SESN3: variants seen among roughly 807,000 people sequenced by gnomAD.
The protein encoded by SESN3 is sestrin 3.
SESN3 carries 21 observed loss-of-function variants against 55.3 expected under a neutral mutation model. The observed-to-expected ratio is 0.38, with a 90% CI of 0.27 to 0.55. The LOEUF (loss-of-function observed/expected upper bound fraction) is 0.55, where lower values mean the gene tolerates loss of function less well. Among genes scored for constraint, SESN3 ranks in the 20% least tolerant of loss-of-function variants. The pLI, the probability that SESN3 is intolerant of heterozygous loss-of-function variation, is 0.76. For synonymous variants in SESN3, 181 were observed against 203.1 expected (o/e 0.89, Z 0.93); for missense variants, 408 against 604.3 (o/e 0.68, Z 3.41).
intron 1 of SESN3, among the ~76,000 whole-genome samples, chr11:95,222,023 C>G (rs548507671): frequency 6.6e-6 from 1 of 152,292 alleles, no homozygotes; most frequent in African/African-American, 2.4e-5. Context: ...GACTGAAAGG[C>G]TAAGCCAGAA....
At position 95,193,403 on chromosome 11, in the gene SESN3, CAGTTA is replaced by C. The variant is rs1199742510; in HGVS notation, c.144+49_144+53del. 1.4e-5 allele frequency: 14 copies of C among 1,033,610 alleles called. 1 individual carries two copies. Among genetic ancestry groups the C allele is most frequent in the South Asian group, 1.1e-4 (8 of 73,408 alleles). The allele number at this position is 1,033,610 out of a possible 1,614,324, so 64.0% of individuals were successfully genotyped here. ...TATTAACAGGAGATATTCTTTGATACAGTTAAGTTATTTTTAAATCTTACTTTTTA... is the reference window on the plus strand; with the variant it reads ...TATTAACAGGAGATATTCTTTGATACAGTTATTTTTAAATCTTACTTTTTA... On this transcript the variant is annotated intron_variant, in intron 2 of 9. Transcript: ENST00000536441.
intron 1 of SESN3, among the ~76,000 whole-genome samples, chr11:95,198,006 T>C (rs1860393848): frequency 6.6e-6 from 1 of 152,198 alleles, no homozygotes; most frequent in Non-Finnish European, 1.5e-5. Flanking sequence ...CTTTCCTCTG[T>C]AGGTTATAAA....
At chr11:95,176,375 T>C (rs1859956132) in intron 8 of SESN3, among the ~76,000 whole-genome samples, 1 of 152,136 alleles carries the variant, frequency 6.6e-6, no homozygotes, top group South Asian at 2.1e-4. Flanking sequence ...GAAACTGAAA[T>C]TTTCTTTAAA....
At chr11:95,219,144 G>C (rs1419331670) in intron 1 of SESN3, among the ~76,000 whole-genome samples, 1 of 152,006 alleles carries the variant, frequency 6.6e-6, no homozygotes, top group Non-Finnish European at 1.5e-5. Flanking sequence ...TAATTATATA[G>C]GTCATACTCT....
At chr11:95,183,465 A>G (rs771537791) in intron 6 of SESN3, among the ~76,000 whole-genome samples, 1 of 152,116 alleles carries the variant, frequency 6.6e-6, no homozygotes, top group Non-Finnish European at 1.5e-5. Flanking sequence ...AACAATTCTC[A>G]AAATTTATGA....
chr11:95,199,438 C>T (rs1315043471), intron 1 of SESN3, among the ~76,000 whole-genome samples: 1 of 151,994 alleles, frequency 6.6e-6, no homozygotes, highest in Non-Finnish European at 1.5e-5. Flanking sequence ...GAAAACAAAA[C>T]ACTGAAAGGA....
intron 1 of SESN3, among the ~76,000 whole-genome samples, chr11:95,208,388 C>T (rs1860588594): frequency 6.6e-6 from 1 of 151,362 alleles, no homozygotes. Flanking sequence ...ACTTCAAATA[C>T]AGCTGTTCCT....
chr11:95,191,454 G>T lies in SESN3; in HGVS notation c.292C>A (p.Arg98Ser). 6.2e-7 allele frequency: 1 copy of T among 1,612,946 alleles called. No individual in the cohort carries two copies. The highest frequency in any genetic ancestry group is 8.5e-7 in the Non-Finnish European group (1 of 1,179,208). Residue 98 changes from arginine (R) to serine (S), a missense_variant, in exon 3 of 10, where the codon CGC (arginine) becomes AGC (serine). Physicochemically the swap from Arg to Ser is moderately radical, Grantham distance 110 (BLOSUM62 -1). Transcript: ENST00000536441. ...GGTAGAGGAAGGGGACCATCCATGC[G>T]CAACATGTAAAACTGGCTCCGCAAG... ...SFLRSQFYML[R>S]MDGPLPLPYR...
chr11:95,220,014 T>C (rs1254990675), intron 1 of SESN3, among the ~76,000 whole-genome samples: 1 of 152,118 alleles, frequency 6.6e-6, no homozygotes, highest in East Asian at 1.9e-4. Context: ...TTAAAATAAA[T>C]AGCAGAACCA....
chr11:95,200,824 A>G (rs547730267), intron 1 of SESN3: 6 of 152,192 alleles, frequency 3.9e-5, no homozygotes, highest in African/African-American at 1.4e-4. Context: ...AACAATACAT[A>G]TGAAATTCGA....
chr11:95,171,936 C>T lies in SESN3; in HGVS notation c.*1319G>A, dbSNP rs1275746358. ...TTGGCCGCTTATTCCTCCCCTATGA[C>T]TTAATAACGTTTTTAAACCAGTTGT... On this transcript the variant is annotated 3_prime_UTR_variant, in exon 10 of 10. Transcript: ENST00000536441. The T allele has an allele frequency of 6.6e-6, 1 of 152,076 alleles. No homozygotes were observed. The highest frequency in any genetic ancestry group is 1.5e-5 in the Non-Finnish European group (1 of 67,980). The allele number at this position is 152,076 out of a possible 1,614,324, so 9.4% of individuals were successfully genotyped here. A position where few individuals can be genotyped will look rare whatever the true frequency, so the allele number is the denominator to read the frequency against.
intron 9 of SESN3, 59 bp downstream of exon 9, chr11:95,175,439 T>C: frequency 7.3e-7 from 1 of 1,377,162 alleles, no homozygotes; most frequent in Non-Finnish European, 1.0e-6. Context: ...TTTTCATAAC[T>C]ATTACTTCTT....
chr11:95,210,676 A>G (rs955103263), intron 1 of SESN3, among the ~76,000 whole-genome samples: 25 of 152,246 alleles, frequency 1.6e-4, no homozygotes, highest in African/African-American at 5.8e-4. Flanking sequence ...GCATTCTACC[A>G]CTACATCACT....
At chr11:95,215,371 C>A (rs956856145) in intron 1 of SESN3, among the ~76,000 whole-genome samples, 1 of 152,006 alleles carries the variant, frequency 6.6e-6, no homozygotes, top group Non-Finnish European at 1.5e-5. Flanking sequence ...GATTTGCCTA[C>A]GGAATTGTTA....
chr11:95,190,010 T>A, intron 3 of SESN3, 49 bp from the exon 4 acceptor site: 1 of 1,373,524 alleles, frequency 7.3e-7, no homozygotes, highest in South Asian at 1.4e-5. Context: ...ACAGTAGAGT[T>A]TCTTTCCACT....
rs1214507722 is a variant in SESN3 at position 95,170,254 on chromosome 11, G to C, written c.*3001C>G. ...AAGAACAGATTATTTTCAGGTGGGAGAGTATCTCAATATTTCTTAAGGTGA... is the reference window on the plus strand; with the variant it reads ...AAGAACAGATTATTTTCAGGTGGGACAGTATCTCAATATTTCTTAAGGTGA... On this transcript the variant is annotated 3_prime_UTR_variant, in exon 10 of 10. Coordinates refer to ENST00000536441, the MANE Select transcript of SESN3 (RefSeq NM_144665.4). 3 of 152,200 alleles carry C rather than the reference G, an allele frequency of 2.0e-5. No homozygotes were observed. Among genetic ancestry groups the C allele is most frequent in the African/African-American group, 4.8e-5 (2 of 41,454 alleles). The allele number at this position is 152,200 out of a possible 1,614,324, so 9.4% of individuals were successfully genotyped here.
At chr11:95,204,348 A>C (rs969823382) in intron 1 of SESN3, among the ~76,000 whole-genome samples, 7 of 152,194 alleles carry the variant, frequency 4.6e-5, no homozygotes, top group African/African-American at 1.7e-4. Flanking sequence ...TGTAATTTAT[A>C]ATACAAGTTA....
chr11:95,204,486 C>A lies in SESN3; in HGVS notation c.79-10964G>T, dbSNP rs76787956. Among the ~76,000 whole-genome samples the A allele has an allele frequency of 7.1e-3, 1,080 of 151,996 alleles. 9 individuals carry two copies. The highest frequency in any genetic ancestry group is 0.011 in the Non-Finnish European group (735 of 67,966). On this transcript the variant is annotated intron_variant, in intron 1 of 9. Coordinates refer to ENST00000536441, the MANE Select transcript of SESN3 (RefSeq NM_144665.4). ...TTATGTACTGAATGTTCCTGTCCCCCCCCTCAAAATTCGTATGTTGAAATC... is the reference window on the plus strand; with the variant it reads ...TTATGTACTGAATGTTCCTGTCCCCACCCTCAAAATTCGTATGTTGAAATC...
chr11:95,221,139 C>T (rs1460093260), intron 1 of SESN3, among the ~76,000 whole-genome samples: 2 of 151,956 alleles, frequency 1.3e-5, no homozygotes, highest in African/African-American at 4.8e-5. Flanking sequence ...CCCGTCTCTA[C>T]AAAAAATATA....
Sources: allele counts gnomAD v4.1 joint callset (sites outside exome capture counted in the v4.1 genomes callset), GRCh38; gene constraint gnomAD v4.1.1; transcripts MANE v1.5; gene names NCBI Gene and HGNC (gene_info 2026-07-23, HGNC 2026-07-21).